TNR: variants seen among roughly 807,000 people sequenced by gnomAD.
TNR encodes tenascin R.
TNR carries 45 observed loss-of-function variants against 150.4 expected under a neutral mutation model. The ratio of observed to expected loss-of-function variants is 0.30; its 90% CI spans 0.24 to 0.38. The LOEUF (loss-of-function observed/expected upper bound fraction) is 0.38. TNR is among the 10% of genes least tolerant of loss of function. The probability of loss-of-function intolerance (pLI) is 1.00; values close to 1 mark genes in which losing one functional copy is unlikely to be tolerated. For missense variants in TNR, 1,544 were observed against 1,759.1 expected (o/e 0.88, Z 2.19); for synonymous variants, 687 against 678.4 (o/e 1.01, Z -0.20).
chr1:175,547,644 A>T (rs1457359852), intron 1 of TNR, among the ~76,000 whole-genome samples: 28 of 144,734 alleles, frequency 1.9e-4, no homozygotes, highest in African/African-American at 7.5e-4. Context: ...AAAGAGAAAG[A>T]AAGAAAGGAA....
Position 175,525,967 on chromosome 1 carries a change from A to G in TNR, c.-64+2302T>C, listed in dbSNP as rs1203106082. Among the ~76,000 whole-genome samples, 6 of 150,714 alleles carry G rather than the reference A, an allele frequency of 4.0e-5. No homozygotes were observed. The East Asian group carries it at 1.2e-3, about 29-fold the overall frequency. Reference sequence around the variant, plus strand: ...TCGGTTTGTTTGCCTGTAAGAATATATTTACCTAAACATTGAACCATTTGT... The same window carrying G: ...TCGGTTTGTTTGCCTGTAAGAATATGTTTACCTAAACATTGAACCATTTGT... On this transcript the variant is annotated intron_variant, in intron 2 of 22. Transcript: ENST00000367674.
intron 15 of TNR, among the ~76,000 whole-genome samples, chr1:175,356,713 GTTA>G (rs2102006967): frequency 6.6e-6 from 1 of 152,232 alleles, no homozygotes; most frequent in East Asian, 1.9e-4. Flanking sequence ...TGTCTCTGGA[GTTA>G]TTAAGGATAA....
chr1:175,482,411 T>A (rs1657850359), intron 2 of TNR, among the ~76,000 whole-genome samples: 1 of 152,214 alleles, frequency 6.6e-6, no homozygotes, highest in African/African-American at 2.4e-5. Flanking sequence ...ATTTTATCCA[T>A]GTTAGTTTTG....
At chr1:175,698,692 T>A (rs1214410760) in intron 1 of TNR, among the ~76,000 whole-genome samples, 1 of 151,944 alleles carries the variant, frequency 6.6e-6, no homozygotes, top group African/African-American at 2.4e-5. Flanking sequence ...AGTACAAAAA[T>A]TAGCCGGGCA....
At chr1:175,677,132 A>T (rs955049625) in intron 1 of TNR, among the ~76,000 whole-genome samples, 1 of 152,238 alleles carries the variant, frequency 6.6e-6, no homozygotes, top group African/African-American at 2.4e-5. Context: ...AGAGAGGCTG[A>T]AGAAAGAAGG....
intron 14 of TNR, among the ~76,000 whole-genome samples, chr1:175,361,129 A>T (rs1375178194): frequency 6.6e-6 from 1 of 152,112 alleles, no homozygotes; most frequent in Non-Finnish European, 1.5e-5. Flanking sequence ...TGGCATGATC[A>T]TGGCTCACTG....
In TNR at chr1:175,319,900, T is replaced by A. The variant is rs1648953094; in HGVS notation, c.*3457A>T. On this transcript the variant is annotated 3_prime_UTR_variant, in exon 23 of 23. Transcript: ENST00000367674. ...CAACAGTTTTCCACAGACTTGTCAT[T>A]CTTGCCACCTCTTCTACACCTGACC... is the stretch of plus-strand genomic sequence containing the variant. 6.6e-6 allele frequency: 1 copy of A among 150,818 alleles called. No individual in the cohort carries two copies. 9.3% of individuals were successfully genotyped at this position (150,818 alleles called of 1,614,324 possible). A position where few individuals can be genotyped will look rare whatever the true frequency, so the allele number is the denominator to read the frequency against.
In TNR at chr1:175,743,484, GGT is replaced by G. The variant is rs1667987042; in HGVS notation, c.-425_-424del. The G allele has an allele frequency of 2.0e-5, 3 of 152,282 alleles. No individual in the cohort carries two copies. The highest frequency in any genetic ancestry group is 7.2e-5 in the African/African-American group (3 of 41,414). 9.4% of individuals were successfully genotyped at this position (152,282 alleles called of 1,614,324 possible). On this transcript the variant is annotated 5_prime_UTR_variant, in exon 1 of 23. Coordinates refer to ENST00000367674, the MANE Select transcript of TNR (RefSeq NM_003285.3). Reference sequence around the variant, plus strand: ...AGTCAGGTGGCTTCACTCCACTAGTGGTAATTCCTTGGGTCAGAGAGGACCCC... The same window carrying G: ...AGTCAGGTGGCTTCACTCCACTAGTGAATTCCTTGGGTCAGAGAGGACCCC...
chr1:175,398,863 T>G (rs1653565078), intron 4 of TNR, among the ~76,000 whole-genome samples: 1 of 152,210 alleles, frequency 6.6e-6, no homozygotes, highest in South Asian at 2.1e-4. Context: ...AAATATTTAG[T>G]AGCAGTCATA....
chr1:175,395,115 C>T (rs978924688), intron 5 of TNR, among the ~76,000 whole-genome samples: 1 of 152,006 alleles, frequency 6.6e-6, no homozygotes, highest in African/African-American at 2.4e-5. Flanking sequence ...TTAACAGAGT[C>T]AGCACTCTTC....
chr1:175,487,975 CA>C (rs1329494173), intron 2 of TNR, among the ~76,000 whole-genome samples: 3 of 152,088 alleles, frequency 2.0e-5, no homozygotes, highest in Non-Finnish European at 2.9e-5. Context: ...TGAGTGTGCT[CA>C]GGTGGGCCTT....
At chr1:175,340,309 G>T (rs1435083092) in intron 18 of TNR, among the ~76,000 whole-genome samples, 8 of 152,136 alleles carry the variant, frequency 5.3e-5, no homozygotes, top group Non-Finnish European at 1.2e-4. Flanking sequence ...AAATTGCAAG[G>T]CCATTTGGTT....
intron 20 of TNR, 165 bp downstream of exon 20, chr1:175,335,546 T>A: frequency 1.6e-6 from 1 of 635,200 alleles, no homozygotes; most frequent in Non-Finnish European, 2.8e-6. Context: ...TAAAAACAGA[T>A]CAATAGTGAA....
chr1:175,451,371 T>A (rs1275847432), intron 2 of TNR, among the ~76,000 whole-genome samples: 1 of 152,084 alleles, frequency 6.6e-6, no homozygotes, highest in African/African-American at 2.4e-5. Flanking sequence ...CCCTTCCCCC[T>A]TCCCCCACCC....
chr1:175,585,049 C>T (rs1256485987), intron 1 of TNR, among the ~76,000 whole-genome samples: 1 of 152,188 alleles, frequency 6.6e-6, no homozygotes, highest in East Asian at 1.9e-4. Flanking sequence ...ATAGCAAATA[C>T]AAACATGAGT....
At chr1:175,382,989 A>G (rs1341419846) in intron 8 of TNR, among the ~76,000 whole-genome samples, 1 of 151,914 alleles carries the variant, frequency 6.6e-6, no homozygotes, top group African/African-American at 2.4e-5. Flanking sequence ...TGTGAGTGAG[A>G]ATCTGTTGCA....
intron 1 of TNR, among the ~76,000 whole-genome samples, chr1:175,713,129 A>G (rs560559411): frequency 9.8e-5 from 15 of 152,328 alleles, no homozygotes; most frequent in African/African-American, 3.4e-4. Flanking sequence ...GGATCAACCA[A>G]GGTAAGTCTT....
At position 175,338,917 on chromosome 1, in the gene TNR, C is replaced by T. The variant is rs1650381175; in HGVS notation, c.3383-1238G>A. On this transcript the variant is annotated intron_variant, in intron 18 of 22. Transcript: ENST00000367674. Reference sequence around the variant, plus strand: ...TAACTGCCCCCGCACCAGGACTGCCCTTCAACTTGCTGCCACACACCCGTC... The same window carrying T: ...TAACTGCCCCCGCACCAGGACTGCCTTTCAACTTGCTGCCACACACCCGTC... 5.9e-5 allele frequency among the ~76,000 whole-genome samples: 9 copies of T among 152,330 alleles called. No homozygotes were observed. In the South Asian group the frequency reaches 1.9e-3, roughly 32 times the overall value.
At chr1:175,430,939 A>G (rs1480288065) in intron 2 of TNR, among the ~76,000 whole-genome samples, 4 of 152,184 alleles carry the variant, frequency 2.6e-5, no homozygotes, top group Non-Finnish European at 4.4e-5. Context: ...TTAACTATTT[A>G]AAGTATTTTG....
Sources: allele counts gnomAD v4.1 joint callset (sites outside exome capture counted in the v4.1 genomes callset), GRCh38; gene constraint gnomAD v4.1.1; transcripts MANE v1.5; gene names NCBI Gene and HGNC (gene_info 2026-07-23, HGNC 2026-07-21).